Variants in VPS54 observed in about 807,000 individuals in gnomAD.
The protein encoded by VPS54 is vacuolar protein sorting-associated protein 54.
VPS54 carries 45 observed loss-of-function variants against 121.5 expected under a neutral mutation model. The observed-to-expected ratio is 0.37, with a 90% confidence interval of 0.29 to 0.47. VPS54 has a LOEUF of 0.47. Ranked by LOEUF, VPS54 falls within the 20% of genes least tolerant of loss-of-function variation. VPS54 has a pLI of 0.99. For missense variants in VPS54, 1,090 were observed against 1,131.4 expected (o/e 0.96, Z 0.52); for synonymous variants, 371 against 385.8 (o/e 0.96, Z 0.45).
intron 20 of VPS54, among the ~76,000 whole-genome samples, chr2:63,907,802 G>A (rs765614409): frequency 5.3e-5 from 8 of 152,104 alleles, no homozygotes; most frequent in Non-Finnish European, 8.8e-5. Context: ...GATATGAATG[G>A]CAAACAAGCA....
chr2:63,899,814 G>A (rs1672600825), intron 20 of VPS54, among the ~76,000 whole-genome samples: 1 of 152,148 alleles, frequency 6.6e-6, no homozygotes, highest in African/African-American at 2.4e-5. Flanking sequence ...TAAGAACAAA[G>A]CCTGCTTCCA....
intron 11 of VPS54, among the ~76,000 whole-genome samples, chr2:63,935,376 T>C: frequency 6.6e-6 from 1 of 152,186 alleles, no homozygotes; most frequent in Non-Finnish European, 1.5e-5. Flanking sequence ...TTTTTTTTCT[T>C]TCTTCATTGC....
At chr2:63,896,671 T>C (rs1672457538) in intron 22 of VPS54, among the ~76,000 whole-genome samples, 1 of 152,170 alleles carries the variant, frequency 6.6e-6, no homozygotes, top group South Asian at 2.1e-4. Context: ...ATTTTTTTCA[T>C]TTTCCATTTG....
At chr2:63,985,194 C>T (rs1292378883) in intron 1 of VPS54, among the ~76,000 whole-genome samples, 1 of 152,060 alleles carries the variant, frequency 6.6e-6, no homozygotes, top group Non-Finnish European at 1.5e-5. Context: ...GTGGTGCATG[C>T]CTGTAGTCCA....
At position 63,947,443 on chromosome 2, in the gene VPS54, A is replaced by C; in HGVS notation, c.1185T>G (p.Leu395=). The change falls in exon 9 of 23, where the codon CTT becomes CTG. Residue 395 remains leucine (L), a synonymous_variant. Transcript: ENST00000272322. The part of the protein sequence containing the change: ...LVFGLLKQRK[L]NFLEIYGEKM... Reference sequence around the variant, plus strand: ...TTTCACCATAGATTTCTAAAAAATTAAGCTTTCTTTGTTTTAAAAGTCCAA... The same window carrying C: ...TTTCACCATAGATTTCTAAAAAATTCAGCTTTCTTTGTTTTAAAAGTCCAA... The C allele has an allele frequency of 6.4e-7, 1 of 1,551,972 alleles. No homozygotes were observed. Among genetic ancestry groups the C allele is most frequent in the Non-Finnish European group, 8.8e-7 (1 of 1,134,362 alleles).
At chr2:63,928,526 G>C (rs1037221705) in intron 12 of VPS54, among the ~76,000 whole-genome samples, 1 of 152,086 alleles carries the variant, frequency 6.6e-6, no homozygotes, top group Admixed American at 6.5e-5. Context: ...ACATGGAAAG[G>C]AACAACTGGT....
Position 63,892,671 on chromosome 2 carries a change from G to T in VPS54, c.*759C>A, listed in dbSNP as rs1672269427. 1 of 152,168 alleles carries T rather than the reference G, an allele frequency of 6.6e-6. No individual in the cohort carries two copies. The highest frequency in any genetic ancestry group is 2.4e-5 in the African/African-American group (1 of 41,248). 9.4% of individuals were successfully genotyped at this position (152,168 alleles called of 1,614,324 possible). A position where few individuals can be genotyped will look rare whatever the true frequency, so the allele number is the denominator to read the frequency against. On this transcript the variant is annotated 3_prime_UTR_variant, in exon 23 of 23. Transcript: ENST00000272322. ...TTTATAAAAATACAGATATTAAACT[G>T]TAGCCTTTTATATACCATTTCTGAA...
At chr2:63,985,877 G>T (rs1473037432) in intron 1 of VPS54, among the ~76,000 whole-genome samples, 12 of 152,206 alleles carry the variant, frequency 7.9e-5, no homozygotes, top group Middle Eastern at 6.8e-3. Context: ...GGTTGTTTCT[G>T]TATAAAAGTT....
intron 12 of VPS54, among the ~76,000 whole-genome samples, chr2:63,931,349 C>T (rs1674191591): frequency 6.6e-6 from 1 of 152,202 alleles, no homozygotes; most frequent in East Asian, 1.9e-4. Context: ...GAAATAATAC[C>T]ACACATCTAC....
intron 7 of VPS54, 137 bp from the exon 8 acceptor site, chr2:63,949,300 G>C: frequency 1.2e-6 from 1 of 822,588 alleles, no homozygotes; most frequent in Non-Finnish European, 1.8e-6. Context: ...AAAAAATGAA[G>C]TCCTTTAACT....
chr2:64,008,059 T>C (rs1490551225), intron 1 of VPS54, among the ~76,000 whole-genome samples: 1 of 149,816 alleles, frequency 6.7e-6, no homozygotes, highest in African/African-American at 2.4e-5. Flanking sequence ...TTTTAGGCTA[T>C]CGGAGACCTG....
chr2:63,930,631 C>G (rs999034380), intron 12 of VPS54, among the ~76,000 whole-genome samples: 2 of 152,140 alleles, frequency 1.3e-5, no homozygotes, highest in Non-Finnish European at 2.9e-5. Context: ...TCTCACCACT[C>G]CTATTCAATA....
chr2:63,923,863 A>G (rs990688070), intron 12 of VPS54, among the ~76,000 whole-genome samples: 3 of 152,206 alleles, frequency 2.0e-5, no homozygotes, highest in African/African-American at 7.2e-5. Flanking sequence ...TGCATGTTCT[A>G]TATCAGTGAT....
At chr2:63,968,858 A>C (rs1676136758) in intron 5 of VPS54, 99 bp downstream of exon 5, 1 of 992,094 alleles carries the variant, frequency 1.0e-6, no homozygotes, top group Non-Finnish European at 1.5e-6. Flanking sequence ...AAGTAGCCAA[A>C]GGGTCAAAAA....
chr2:64,001,222 C>T (rs941226443), intron 1 of VPS54, among the ~76,000 whole-genome samples: 2 of 151,958 alleles, frequency 1.3e-5, no homozygotes, highest in African/African-American at 4.8e-5. Flanking sequence ...AAGGGCTCTT[C>T]AGTCAGCTTG....
intron 11 of VPS54, among the ~76,000 whole-genome samples, chr2:63,940,151 G>C (rs1160760473): frequency 6.6e-6 from 1 of 152,038 alleles, no homozygotes; most frequent in African/African-American, 2.4e-5. Flanking sequence ...GGTAAAGAAT[G>C]TGTCAAGCAT....
chr2:63,904,299 C>T (rs1002372301), intron 20 of VPS54, among the ~76,000 whole-genome samples: 1 of 151,748 alleles, frequency 6.6e-6, no homozygotes, highest in African/African-American at 2.4e-5. Flanking sequence ...ATTAGCTGGG[C>T]GTGGTGGCAG....
intron 20 of VPS54, among the ~76,000 whole-genome samples, chr2:63,911,836 G>A (rs1673162479): frequency 6.6e-6 from 1 of 152,164 alleles, no homozygotes; most frequent in South Asian, 2.1e-4. Context: ...CTTAGGGAAA[G>A]TAAACAGTGA....
chr2:63,985,317 TCAAA>T (rs546346318), intron 1 of VPS54, among the ~76,000 whole-genome samples: 1 of 151,948 alleles, frequency 6.6e-6, no homozygotes, highest in Non-Finnish European at 1.5e-5. Context: ...AGACCCCGTC[TCAAA>T]CAAACAAACA....
Sources: allele counts gnomAD v4.1 joint callset (sites outside exome capture counted in the v4.1 genomes callset), GRCh38; gene constraint gnomAD v4.1.1; transcripts MANE v1.5; gene names NCBI Gene and HGNC (gene_info 2026-07-23, HGNC 2026-07-21).